The following DCLK3 variants were observed in gnomAD, a reference collection of about 807,000 sequenced individuals.
The protein encoded by DCLK3 is doublecortin like kinase 3, also known as serine/threonine-protein kinase DCLK3.
DCLK3 carries 30 observed loss-of-function variants against 46.4 expected under a neutral mutation model. The ratio of observed to expected loss-of-function variants is 0.65; its 90% CI spans 0.48 to 0.88. The LOEUF (loss-of-function observed/expected upper bound fraction) is 0.88, where lower values mean the gene tolerates loss of function less well. Among genes scored for constraint, DCLK3 ranks in the 40% least tolerant of loss-of-function variants. The pLI is 0.00. For synonymous variants in DCLK3, 401 were observed against 339.2 expected (o/e 1.18, Z -2.00); for missense variants, 846 against 907.1 (o/e 0.93, Z 0.87).
chr3:36,729,048 T>C (rs1332626610), intron 2 of DCLK3, among the ~76,000 whole-genome samples: 2 of 152,180 alleles, frequency 1.3e-5, no homozygotes. Flanking sequence ...ATGGCCCCCA[T>C]GATGCCTTTC....
intron 1 of DCLK3, among the ~76,000 whole-genome samples, chr3:36,751,294 C>T (rs752251021): frequency 4.3e-4 from 66 of 152,146 alleles, no homozygotes; most frequent in Non-Finnish European, 1.3e-4. Flanking sequence ...TAATACCCAC[C>T]CTGAGTACAA....
intron 2 of DCLK3, among the ~76,000 whole-genome samples, chr3:36,735,667 C>A (rs1401158589): frequency 1.3e-5 from 2 of 152,240 alleles, no homozygotes; most frequent in African/African-American, 4.8e-5. Flanking sequence ...CCATCAAAAT[C>A]ACTGTGCTCA....
At position 36,729,244 on chromosome 3, in the gene DCLK3, TG is replaced by T. The variant is rs1439328385; in HGVS notation, c.1960-7586del. ...TCAGGGTTTTCCCGGGTTGTGTGTG[TG>T]TGTGGGGGGGGGGGGTACAAAAGCC... On this transcript the variant is annotated intron_variant, in intron 2 of 4. Transcript: ENST00000636136. 7.5e-3 allele frequency among the ~76,000 whole-genome samples: 270 copies of T among 35,992 alleles called. 4 individuals carry two copies. The highest frequency in any genetic ancestry group is 0.019 in the African/African-American group (261 of 13,584). The allele number at this position is 35,992 out of a possible 152,430, so 23.6% of individuals were successfully genotyped here.
At chr3:36,721,315 T>C (rs1041232887) in intron 3 of DCLK3, among the ~76,000 whole-genome samples, 6 of 151,732 alleles carry the variant, frequency 4.0e-5, no homozygotes, top group Non-Finnish European at 8.8e-5. Flanking sequence ...GCACACACAC[T>C]GATCCATTGA....
chr3:36,760,568 T>G (rs1413659760), intron 1 of DCLK3, among the ~76,000 whole-genome samples: 5 of 152,052 alleles, frequency 3.3e-5, no homozygotes, highest in Non-Finnish European at 7.3e-5. Flanking sequence ...ATGGCACATG[T>G]ATACATATGT....
intron 2 of DCLK3, among the ~76,000 whole-genome samples, chr3:36,728,314 A>C (rs1036724450): frequency 6.6e-6 from 1 of 152,012 alleles, no homozygotes; most frequent in Non-Finnish European, 1.5e-5. Flanking sequence ...TTAGATGACA[A>C]CTTGACTGGA....
At position 36,737,184 on chromosome 3, in the gene DCLK3, A is replaced by G; in HGVS notation, c.1959+24T>C. ...CCATATTCTAAAAACACCCTCTCCC[A>G]TATCATCAAAAGTCAAGGCTTACCA... On this transcript the variant is annotated intron_variant, in intron 2 of 4. Transcript: ENST00000636136. The surrounding 1 kb of genome is among the most constrained non-coding windows in gnomAD (Gnocchi z 4.4). 1 of 1,603,972 alleles carries G rather than the reference A, an allele frequency of 6.2e-7. No individual in the cohort carries two copies. Among genetic ancestry groups the G allele is most frequent in the East Asian group, 2.2e-5 (1 of 44,706 alleles).
intron 2 of DCLK3, among the ~76,000 whole-genome samples, chr3:36,736,658 A>T (rs1295892252): frequency 6.6e-6 from 1 of 152,246 alleles, no homozygotes; most frequent in African/African-American, 2.4e-5. Flanking sequence ...GTCCAGCAAG[A>T]TAAAGGACTT....
intron 1 of DCLK3, among the ~76,000 whole-genome samples, chr3:36,751,814 G>GA (rs1454239847): frequency 1.3e-5 from 2 of 152,210 alleles, no homozygotes; most frequent in African/African-American, 4.8e-5. Context: ...TGGTAGGCTG[G>GA]CAATGAACAG....
intron 1 of DCLK3, among the ~76,000 whole-genome samples, chr3:36,754,919 G>T (rs1366059924): frequency 7.1e-6 from 1 of 141,242 alleles, no homozygotes; most frequent in Non-Finnish European, 1.6e-5. Flanking sequence ...AAAGTAGTCA[G>T]CTATAAGGCA....
intron 2 of DCLK3, among the ~76,000 whole-genome samples, chr3:36,722,768 T>C (rs1701078031): frequency 2.0e-5 from 3 of 152,198 alleles, no homozygotes; most frequent in African/African-American, 7.2e-5. Flanking sequence ...CCTTCCACCA[T>C]AATTGTGGGA....
intron 1 of DCLK3, among the ~76,000 whole-genome samples, chr3:36,750,390 T>C (rs929304266): frequency 3.3e-5 from 5 of 152,188 alleles, no homozygotes; most frequent in African/African-American, 1.2e-4. Flanking sequence ...CCTTCTTAAG[T>C]TCTTTTCAAT....
chr3:36,737,396 C>T lies in DCLK3; in HGVS notation c.1771G>A (p.Glu591Lys), dbSNP rs373605259. The change falls in exon 2 of 5, where the codon GAA (glutamate) becomes AAA (lysine). Residue 591 changes from glutamate (E) to lysine (K), a missense_variant. Around this residue, in one of 3 missense-constraint regions of DCLK3, gnomAD observed 247 missense variants for 322.8 expected, o/e 0.77. Transcript: ENST00000636136. The surrounding 1 kb of genome is among the most constrained non-coding windows in gnomAD (Gnocchi z 4.4). The part of the protein sequence containing the change: ...PNIVKLHEVY[E>K]TDMEIYLILE... ...ATCAGGTAGATTTCCATGTCTGTTT[C>T]GTAGACTTCATGCAATTTCACGATG... 117 of 1,614,050 alleles carry T rather than the reference C, an allele frequency of 7.2e-5. No homozygotes were observed. Among genetic ancestry groups the T allele is most frequent in the Non-Finnish European group, 8.8e-5 (104 of 1,180,040 alleles).
chr3:36,738,043 C>T lies in DCLK3; in HGVS notation c.1124G>A (p.Ser375Asn). 6.2e-7 allele frequency: 1 copy of T among 1,614,022 alleles called. No homozygotes were observed. Among genetic ancestry groups the T allele is most frequent in the Non-Finnish European group, 8.5e-7 (1 of 1,179,974 alleles). The part of the protein sequence containing the change: ...EGWKGDSHRS[S>N]PRNPTQELRR... ...CAGCTCTTGAGTGGGATTCCTGGGGCTGCTCCTGTGGCTGTCACCCTTCCA... is the reference window on the plus strand; with the variant it reads ...CAGCTCTTGAGTGGGATTCCTGGGGTTGCTCCTGTGGCTGTCACCCTTCCA... The change falls in exon 2 of 5, where the codon AGC becomes AAC. Residue 375 changes from serine to asparagine, a missense_variant. Around this residue, in one of 3 missense-constraint regions of DCLK3, gnomAD observed 553 missense variants for 543.0 expected, o/e 1.02. Coordinates refer to ENST00000636136, the MANE Select transcript of DCLK3 (RefSeq NM_001394672.2).
At chr3:36,741,733 G>T (rs1701346959) in intron 1 of DCLK3, among the ~76,000 whole-genome samples, 1 of 152,200 alleles carries the variant, frequency 6.6e-6, no homozygotes, top group Non-Finnish European at 1.5e-5. Context: ...GAAGACACTG[G>T]TAACATGGAG....
chr3:36,718,555 T>G (rs1016702143), intron 3 of DCLK3, among the ~76,000 whole-genome samples: 19 of 152,360 alleles, frequency 1.2e-4, no homozygotes, highest in African/African-American at 4.6e-4. Context: ...GTTCAGGCGT[T>G]GTCAAACACA....
intron 1 of DCLK3, among the ~76,000 whole-genome samples, chr3:36,749,282 G>C (rs892491381): frequency 1.3e-5 from 2 of 152,188 alleles, no homozygotes; most frequent in African/African-American, 4.8e-5. Flanking sequence ...AGTACTCTGG[G>C]GCTACTTTCC....
intron 1 of DCLK3, among the ~76,000 whole-genome samples, chr3:36,751,384 G>A (rs1267192514): frequency 6.6e-6 from 1 of 152,194 alleles, no homozygotes; most frequent in African/African-American, 2.4e-5. Flanking sequence ...GTCCTCCCAG[G>A]ATAGCTGTAA....
chr3:36,749,521 C>T (rs1205472579), intron 1 of DCLK3, among the ~76,000 whole-genome samples: 1 of 152,198 alleles, frequency 6.6e-6, no homozygotes, highest in Non-Finnish European at 1.5e-5. Context: ...TGAAGCAGAT[C>T]GATCTCATTT....
Sources: gnomAD v4.1 joint callset for allele counts (sites outside exome capture counted in the v4.1 genomes callset) on GRCh38, gnomAD v4.1.1 for gene constraint, gnomAD v4.1.1 regional missense constraint, Gnocchi (gnomAD v3.1) non-coding constraint, MANE v1.5 for transcripts, NCBI Gene and HGNC (gene_info 2026-07-23, HGNC 2026-07-21) for gene names.